Variants in GPR78 observed in about 807,000 individuals in gnomAD.
The protein encoded by GPR78 is G protein-coupled receptor 78.
In GPR78, 29 loss-of-function variants were observed where a neutral mutation model predicts 17.9. That is an observed-to-expected ratio of 1.62 (90% CI 1.20 to 2.21). GPR78 has a LOEUF of 2.21. Ranked by LOEUF, GPR78 falls within the 30% of genes most tolerant of loss-of-function variation. The pLI, the probability that GPR78 is intolerant of heterozygous loss-of-function variation, is 0.00. For synonymous variants in GPR78, 349 were observed against 256.9 expected, an observed-to-expected ratio of 1.36 and a Z score of -3.43; for missense variants, 649 against 530.5, an observed-to-expected ratio of 1.22 and a Z score of -2.19.
intron 2 of GPR78, among the ~76,000 whole-genome samples, chr4:8,584,920 A>G (rs988032257): frequency 1.3e-5 from 2 of 152,256 alleles, no homozygotes; most frequent in East Asian, 3.8e-4. Context: ...ACTGGGCTGC[A>G]TTGTTAGACT....
intron 2 of GPR78, 123 bp downstream of exon 2, chr4:8,582,767 T>C (rs1713351192): frequency 1.4e-6 from 1 of 694,016 alleles, no homozygotes; most frequent in Admixed American, 2.0e-5. Context: ...AGGACCCTCC[T>C]CCACACCTGA....
At position 8,589,439 on chromosome 4, in the gene GPR78, C is replaced by A. The variant is rs1294054240; in HGVS notation, c.*2076C>A. Among the ~76,000 whole-genome samples the A allele has an allele frequency of 6.6e-6, 1 of 152,058 alleles. No individual in the cohort carries two copies. Among genetic ancestry groups the A allele is most frequent in the Non-Finnish European group, 1.5e-5 (1 of 68,028 alleles). On this transcript the variant is annotated 3_prime_UTR_variant, in exon 3 of 3. Transcript: ENST00000382487. ...CACAGGTGGGTGTCATGCCCTGGTT[C>A]ACAGAGGGCACGTGAACTCGAGACC...
rs974962938 is a variant in GPR78, at chr4:8,589,412, G to A, written c.*2049G>A. Among the ~76,000 whole-genome samples the A allele has an allele frequency of 6.6e-6, 1 of 152,108 alleles. No homozygotes were observed. Among genetic ancestry groups the A allele is most frequent in the Non-Finnish European group, 1.5e-5 (1 of 68,028 alleles). On this transcript the variant is annotated 3_prime_UTR_variant, in exon 3 of 3. Coordinates refer to ENST00000382487, the MANE Select transcript of GPR78 (RefSeq NM_080819.5). ...GGGCGTCATGCCCTGATTCACAGAG[G>A]GCACAGGTGGGTGTCATGCCCTGGT...
In GPR78 at chr4:8,587,479, A is replaced by C; in HGVS notation, c.*116A>C. 2.0e-6 allele frequency: 2 copies of C among 994,150 alleles called. No homozygotes were observed. 61.6% of individuals were successfully genotyped at this position (994,150 alleles called of 1,614,324 possible). Reference sequence around the variant, plus strand: ...GACACCAGTGGCTTGACTTTGAGCTAAGGCTGAAGTACAGGAGGAGGAGGA... The same window carrying C: ...GACACCAGTGGCTTGACTTTGAGCTCAGGCTGAAGTACAGGAGGAGGAGGA... On this transcript the variant is annotated 3_prime_UTR_variant, in exon 3 of 3. Transcript: ENST00000382487.
chr4:8,583,588 G>T (rs1713383650), intron 2 of GPR78, among the ~76,000 whole-genome samples: 1 of 151,758 alleles, frequency 6.6e-6, no homozygotes, highest in African/African-American at 2.4e-5. Flanking sequence ...GGCTCTGTTT[G>T]TGTAGGGTCC....
rs1009587429 is a variant in GPR78 at position 8,587,054 on chromosome 4, G to A, written c.783G>A (p.Arg261=). 5 of 1,609,694 alleles carry A rather than the reference G, an allele frequency of 3.1e-6. No individual in the cohort carries two copies. ...LICFAPYVMT[R]LAELVPFVTV... ...GTTAGCTGCTCCGCTTCCCCAACAG[G>A]CTGGCGGAGCTCGTGCCCTTCGTCA... Residue 261 remains arginine, a splice_region_variant and synonymous_variant, in exon 3 of 3, where the codon AGG becomes AGA. Coordinates refer to ENST00000382487, the MANE Select transcript of GPR78 (RefSeq NM_080819.5).
intron 1 of GPR78, among the ~76,000 whole-genome samples, 154 bp from the exon 2 acceptor site, chr4:8,582,377 T>C (rs1287029329): frequency 6.6e-6 from 1 of 152,128 alleles, no homozygotes; most frequent in African/African-American, 2.4e-5. Flanking sequence ...CCCCTTGTTC[T>C]TTCTCTCTCC....
In GPR78 at chr4:8,580,608, A is replaced by T. The variant is rs1192076394; in HGVS notation, c.-375A>T. 4.0e-6 allele frequency: 1 copy of T among 248,632 alleles called. No homozygotes were observed. The highest frequency in any genetic ancestry group is 7.6e-6 in the Non-Finnish European group (1 of 131,720). The allele number at this position is 248,632 out of a possible 1,614,324, so 15.4% of individuals were successfully genotyped here. ...CATCCTGCCACGCCACGAGGAGAGA[A>T]GAAGGAAAGATACAGTGTTAGGAAA... On this transcript the variant is annotated 5_prime_UTR_variant, in exon 1 of 3. In the 5' UTR this introduces an upstream ATG that the reference lacks. Coordinates refer to ENST00000382487, the MANE Select transcript of GPR78 (RefSeq NM_080819.5).
In GPR78 at chr4:8,580,969, G is replaced by T. The variant is rs374707252; in HGVS notation, c.-14G>T. 2.2e-5 allele frequency: 34 copies of T among 1,548,540 alleles called. No homozygotes were observed. In the African/African-American group the frequency reaches 4.1e-4, roughly 19 times the overall value. On this transcript the variant is annotated 5_prime_UTR_variant, in exon 1 of 3. Coordinates refer to ENST00000382487, the MANE Select transcript of GPR78 (RefSeq NM_080819.5). ...CCATGAGAACCCCAGGGTGCCTGGC[G>T]AGCCGCTAGCGCCATGGGCCCCGGC...
At chr4:8,581,911 G>T (rs1230898495) in intron 1 of GPR78, among the ~76,000 whole-genome samples, 2 of 152,190 alleles carry the variant, frequency 1.3e-5, no homozygotes. Flanking sequence ...TCCGGGAGGG[G>T]TTCCGCGGGC....
chr4:8,587,133 G>T lies in GPR78; in HGVS notation c.862G>T (p.Val288Leu). 6.2e-7 allele frequency: 1 copy of T among 1,613,408 alleles called. No individual in the cohort carries two copies. Among genetic ancestry groups the T allele is most frequent in the Non-Finnish European group, 8.5e-7 (1 of 1,180,002 alleles). ...CAAGTGCCTGACCTACAGCAAGGCG[G>T]TGGCCGACCCGTTCACGTACTCTCT... is the stretch of plus-strand genomic sequence containing the variant. ...LSKCLTYSKAVADPFTYSLLR... is the reference protein window; with the variant it reads ...LSKCLTYSKALADPFTYSLLR... The change falls in exon 3 of 3, where the codon GTG becomes TTG. Residue 288 changes from valine to leucine, a missense_variant. Physicochemically the swap from Val to Leu is conservative, Grantham distance 32. Coordinates refer to ENST00000382487, the MANE Select transcript of GPR78 (RefSeq NM_080819.5).
Position 8,587,219 on chromosome 4 carries a change from C to T in GPR78, c.948C>T (p.Thr316=), listed in dbSNP as rs1713546950. Residue 316 remains threonine, a synonymous_variant, in exon 3 of 3, where the codon ACC becomes ACT. Transcript: ENST00000382487. ...AGMVHRLLKR[T]PRPASTHDSS... The stretch of plus-strand genomic sequence containing the variant: ...TGGTGCACCGGCTGCTGAAGAGAAC[C>T]CCGCGCCCAGCATCCACCCATGACA... 6.2e-7 allele frequency: 1 copy of T among 1,610,682 alleles called. No homozygotes were observed. The highest frequency in any genetic ancestry group is 1.3e-5 in the African/African-American group (1 of 74,922).
In GPR78 at chr4:8,587,438, C is replaced by A; in HGVS notation, c.*75C>A. Reference sequence around the variant, plus strand: ...GGGCACTGGCCCTGCCACAGAGATGCCACTGGGGACCCCCAGACACCAGTG... The same window carrying A: ...GGGCACTGGCCCTGCCACAGAGATGACACTGGGGACCCCCAGACACCAGTG... On this transcript the variant is annotated 3_prime_UTR_variant, in exon 3 of 3. Coordinates refer to ENST00000382487, the MANE Select transcript of GPR78 (RefSeq NM_080819.5). 2.8e-6 allele frequency: 4 copies of A among 1,430,628 alleles called. No homozygotes were observed. The highest frequency in any genetic ancestry group is 1.4e-5 in the African/African-American group (1 of 70,644). 88.6% of individuals were successfully genotyped at this position (1,430,628 alleles called of 1,614,324 possible). A position where few individuals can be genotyped will look rare whatever the true frequency, so the allele number is the denominator to read the frequency against.
intron 2 of GPR78, 104 bp downstream of exon 2, chr4:8,582,748 C>G: frequency 9.0e-6 from 7 of 778,462 alleles, no homozygotes. Context: ...GGAGGGCGGC[C>G]ACCACCAGAG....
chr4:8,582,402 C>T (rs1043740418), intron 1 of GPR78, 129 bp from the exon 2 acceptor site: 5 of 635,534 alleles, frequency 7.9e-6, no homozygotes, highest in African/African-American at 7.1e-5. Flanking sequence ...TCCCTCTGTC[C>T]TCCTCAGGTT....
rs775531805 is a variant in GPR78 at position 8,581,458 on chromosome 4, G to T, written c.476G>T (p.Arg159Leu). 2 of 1,591,096 alleles carry T rather than the reference G, an allele frequency of 1.3e-6. No homozygotes were observed. Among genetic ancestry groups the T allele is most frequent in the African/African-American group, 1.3e-5 (1 of 74,718 alleles). The change falls in exon 1 of 3, where the codon CGC (arginine) becomes CTC (leucine). Residue 159 changes from arginine to leucine, a missense_variant. Physicochemically the swap from Arg to Leu is moderately radical, Grantham distance 102. Coordinates refer to ENST00000382487, the MANE Select transcript of GPR78 (RefSeq NM_080819.5). ...YSSAFASCSLRLPPEPERPRF... is the reference protein window; with the variant it reads ...YSSAFASCSLLLPPEPERPRF... ...AGCGCCTTCGCGTCCTGTTCGCTGC[G>T]CCTGCCGCCCGAGCCTGAGCGTCCG...
At position 8,587,262 on chromosome 4, in the gene GPR78, G is replaced by T. The variant is rs201815998; in HGVS notation, c.991G>T (p.Gly331Cys). ...STHDSSLDVAGMVHQLLKRTP... is the reference protein window; with the variant it reads ...STHDSSLDVACMVHQLLKRTP... ...CCATGACAGCTCTCTGGATGTGGCC[G>T]GCATGGTGCACCAGCTGCTGAAGAG... Residue 331 changes from glycine (G) to cysteine (C), a missense_variant, in exon 3 of 3, where the codon GGC becomes TGC. Coordinates refer to ENST00000382487, the MANE Select transcript of GPR78 (RefSeq NM_080819.5). 6.3e-7 allele frequency: 1 copy of T among 1,598,004 alleles called. No homozygotes were observed. Among genetic ancestry groups the T allele is most frequent in the Non-Finnish European group, 8.6e-7 (1 of 1,169,286 alleles).
At position 8,587,530 on chromosome 4, in the gene GPR78, C is replaced by T; in HGVS notation, c.*167C>T. On this transcript the variant is annotated 3_prime_UTR_variant, in exon 3 of 3. Transcript: ENST00000382487. ...GGAGAGGGCCGGATGTGGGTGTGGA[C>T]AGCAGTAGTGGCGGAGGAGAGCTCG... 1 of 720,322 alleles carries T rather than the reference C, an allele frequency of 1.4e-6. No individual in the cohort carries two copies. The highest frequency in any genetic ancestry group is 2.3e-6 in the Non-Finnish European group (1 of 440,940). 44.6% of individuals were successfully genotyped at this position (720,322 alleles called of 1,614,324 possible).
chr4:8,582,952 T>C (rs534581778), intron 2 of GPR78: 89 of 241,836 alleles, frequency 3.7e-4, no homozygotes, highest in African/African-American at 1.9e-3. Context: ...TCAGGCAACC[T>C]GGGACTAACT....
Sources: allele counts gnomAD v4.1 joint callset (sites outside exome capture counted in the v4.1 genomes callset), GRCh38; gene constraint gnomAD v4.1.1; transcripts MANE v1.5; gene names NCBI Gene and HGNC (gene_info 2026-07-23, HGNC 2026-07-21).